Variants in C5orf58 observed in about 807,000 individuals in gnomAD.
C5orf58 encodes the protein putative uncharacterized protein C5orf58.
In C5orf58, 2 loss-of-function variants were observed where a neutral mutation model predicts 2.9. The observed-to-expected ratio is 0.69, with a 90% CI of 0.28 to 2.18. C5orf58 has a LOEUF of 2.18. Ranked by LOEUF, C5orf58 falls within the 30% of genes most tolerant of loss-of-function variation. C5orf58 has a pLI of 0.13. For synonymous variants in C5orf58, 37 were observed against 33.4 expected (o/e 1.11, Z -0.37); for missense variants, 96 against 91.7 (o/e 1.05, Z -0.19).
intron 3 of C5orf58, 21 bp from the exon 4 acceptor site, chr5:170,245,941 C>T (rs1169743211): frequency 1.2e-6 from 2 of 1,602,940 alleles, no homozygotes; most frequent in Non-Finnish European, 1.7e-6. Flanking sequence ...AATATAATAT[C>T]TCCTGTTTTG....
Position 170,238,128 on chromosome 5 carries a change from C to G in C5orf58, c.94+3058C>G, listed in dbSNP as rs753970493. Among the ~76,000 whole-genome samples, 123 of 152,082 alleles carry G rather than the reference C, an allele frequency of 8.1e-4. No individual in the cohort carries two copies. In the Middle Eastern group the frequency reaches 0.02, roughly 25 times the overall value. Reference sequence around the variant, plus strand: ...CAGTCTTAAATATGGGCAACTAAGGCACAACAGATACTTGAGGGACAAATC... The same window carrying G: ...CAGTCTTAAATATGGGCAACTAAGGGACAACAGATACTTGAGGGACAAATC... On this transcript the variant is annotated intron_variant, in intron 3 of 3. Coordinates refer to ENST00000593851, the MANE Select transcript of C5orf58 (RefSeq NM_001102609.3).
At chr5:170,248,936 G>A (rs2113142551), downstream of C5orf58, 3 of 1,001,268 alleles carry the variant, frequency 3.0e-6, no homozygotes, top group Non-Finnish European at 4.4e-6. Context: ...GGATTGTGGG[G>A]GGAAAAAATG....
At chr5:170,242,393 G>T (rs1761051992) in intron 3 of C5orf58, among the ~76,000 whole-genome samples, 1 of 115,864 alleles carries the variant, frequency 8.6e-6, no homozygotes, top group Non-Finnish European at 1.8e-5. Context: ...ATTCGGCTGT[G>T]AATCCATCTG....
intron 2 of C5orf58, 52 bp from the exon 3 acceptor site, chr5:170,234,925 G>A (rs1308959995): frequency 4.1e-6 from 3 of 728,284 alleles, no homozygotes; most frequent in Non-Finnish European, 6.6e-6. Flanking sequence ...TATTTTAAAA[G>A]TACACATAAA....
At chr5:170,247,350 T>C (rs1236494974), downstream of C5orf58, 1 of 152,238 alleles carries the variant, frequency 6.6e-6, no homozygotes, top group Non-Finnish European at 1.5e-5. Flanking sequence ...TTCTGCATAC[T>C]CCTTATTTTA....
chr5:170,243,010 T>A (rs893316526), intron 3 of C5orf58, among the ~76,000 whole-genome samples: 1 of 147,464 alleles, frequency 6.8e-6, no homozygotes, highest in Non-Finnish European at 1.5e-5. Context: ...AGAACATCTT[T>A]ATTTCTGCCT....
At chr5:170,241,158 A>G (rs1170029798) in intron 3 of C5orf58, among the ~76,000 whole-genome samples, 1 of 151,798 alleles carries the variant, frequency 6.6e-6, no homozygotes, top group Non-Finnish European at 1.5e-5. Flanking sequence ...TACCAGTACC[A>G]TGCTGTTTTG....
chr5:170,239,245 C>A (rs1259079031), intron 3 of C5orf58, among the ~76,000 whole-genome samples: 1 of 152,118 alleles, frequency 6.6e-6, no homozygotes, highest in Non-Finnish European at 1.5e-5. Context: ...TATGACAAGA[C>A]TCAGCTATGA....
At chr5:170,250,968 G>T, downstream of C5orf58, 1 of 1,096,694 alleles carries the variant, frequency 9.1e-7, no homozygotes, top group Non-Finnish European at 1.3e-6. Context: ...CAAGCCTCTA[G>T]GGATCTGACA....
intron 2 of C5orf58, 33 bp downstream of exon 2, chr5:170,234,231 C>G (rs764228851): frequency 7.7e-7 from 1 of 1,306,998 alleles, no homozygotes; most frequent in African/African-American, 1.5e-5. Flanking sequence ...GGACAAGCAG[C>G]TTGACCCATG....
At chr5:170,233,779 G>A in intron 1 of C5orf58, 1 of 254,470 alleles carries the variant, frequency 3.9e-6, no homozygotes, top group Non-Finnish European at 7.7e-6. Flanking sequence ...CTCCAGTCCA[G>A]TCCCAGCTAC....
rs555948583 is a variant in C5orf58, at chr5:170,246,155, C to T, written c.*42C>T. On this transcript the variant is annotated 3_prime_UTR_variant, in exon 4 of 4. Coordinates refer to ENST00000593851, the MANE Select transcript of C5orf58 (RefSeq NM_001102609.3). ...AGTTTCTGTTTTATTGTTGAACTAA[C>T]AAATATTTGGGAGAGTTGAGTTTAC... 14 of 1,528,694 alleles carry T rather than the reference C, an allele frequency of 9.2e-6. No homozygotes were observed. In the South Asian group the frequency reaches 1.7e-4, roughly 18 times the overall value. The allele number at this position is 1,528,694 out of a possible 1,614,324, so 94.7% of individuals were successfully genotyped here. A position where few individuals can be genotyped will look rare whatever the true frequency, so the allele number is the denominator to read the frequency against.
rs1449110440 is a variant in C5orf58 at position 170,242,437 on chromosome 5, T to A, written c.95-3525T>A. On this transcript the variant is annotated intron_variant, in intron 3 of 3. Transcript: ENST00000593851. The stretch of plus-strand genomic sequence containing the variant: ...CTCTTTTTGGTTGGTAAACTATTGA[T>A]TATTGCCCCAATTTCAGCTCCTGTT... 8.9e-3 allele frequency among the ~76,000 whole-genome samples: 1,157 copies of A among 130,046 alleles called. 21 individuals are homozygous for A. The highest frequency in any genetic ancestry group is 0.034 in the African/African-American group (1,108 of 33,040). 85.3% of individuals were successfully genotyped at this position (130,046 alleles called of 152,430 possible). A position where few individuals can be genotyped will look rare whatever the true frequency, so the allele number is the denominator to read the frequency against.
intron 1 of C5orf58, 35 bp downstream of exon 1, chr5:170,233,042 C>G (rs2113074126): frequency 1.1e-6 from 1 of 923,826 alleles, no homozygotes; most frequent in East Asian, 1.2e-4. Context: ...TTGAAGGATC[C>G]TAATCTGGTT....
downstream of C5orf58, chr5:170,251,052 G>A: frequency 3.4e-6 from 2 of 585,356 alleles, no homozygotes; most frequent in South Asian, 2.2e-5. Context: ...TCTCCAAACA[G>A]CTACATATCC....
At chr5:170,237,805 T>C (rs930512661) in intron 3 of C5orf58, among the ~76,000 whole-genome samples, 3 of 152,204 alleles carry the variant, frequency 2.0e-5, no homozygotes, top group African/African-American at 7.2e-5. Flanking sequence ...ATATTTGCCC[T>C]GGAACCACTA....
At chr5:170,244,541 G>A (rs1370209623) in intron 3 of C5orf58, among the ~76,000 whole-genome samples, 1 of 151,878 alleles carries the variant, frequency 6.6e-6, no homozygotes, top group Admixed American at 6.6e-5. Flanking sequence ...ATCTGCCATT[G>A]CTGATACCCT....
downstream of C5orf58, chr5:170,247,551 A>T (rs1761326542): frequency 6.6e-6 from 1 of 152,268 alleles, no homozygotes; most frequent in African/African-American, 2.4e-5. Flanking sequence ...AAACTTGAAG[A>T]ACAACTGATT....
downstream of C5orf58, chr5:170,248,677 A>C (rs1204653912): frequency 1.3e-6 from 2 of 1,577,176 alleles, no homozygotes. Context: ...AGGACGGTTC[A>C]TTTGCTCGGC....
Sources: allele counts gnomAD v4.1 joint callset (sites outside exome capture counted in the v4.1 genomes callset), GRCh38; gene constraint gnomAD v4.1.1; transcripts MANE v1.5; gene names NCBI Gene and HGNC (gene_info 2026-07-23, HGNC 2026-07-21).